Variants in MDN1 observed in about 807,000 individuals in gnomAD.
MDN1 encodes the protein midasin.
MDN1 carries 266 observed loss-of-function variants against 669.2 expected under a neutral mutation model. That is an observed-to-expected ratio of 0.40 (90% CI 0.36 to 0.44). MDN1 has a LOEUF of 0.44. Among genes scored for constraint, MDN1 ranks in the 20% least tolerant of loss-of-function variants. MDN1 has a pLI of 1.00. For synonymous variants in MDN1, 2,385 were observed against 2,457.1 expected, an observed-to-expected ratio of 0.97 and a Z score of 0.87; for missense variants, 5,940 against 6,754.0, an observed-to-expected ratio of 0.88 and a Z score of 4.22.
rs780145809 is a variant in MDN1, at chr6:89,754,116, A to C, written c.2931T>G (p.Asn977Lys). 5 of 1,613,914 alleles carry C rather than the reference A, an allele frequency of 3.1e-6. No individual in the cohort carries two copies. The highest frequency in any genetic ancestry group is 3.4e-6 in the Non-Finnish European group (4 of 1,180,000). ...GTGAGCGCTGAATGTTGCCACATGG[A>C]TTGGAGGCTGCAAATCGCAGGGCCC... ...LCRALRFAAS[N>K]PCGNIQRSLY... The change falls in exon 21 of 102, where the codon AAT becomes AAG. Residue 977 changes from asparagine to lysine, a missense_variant. Coordinates refer to ENST00000369393, the MANE Select transcript of MDN1 (RefSeq NM_014611.3).
chr6:89,691,579 A>G (rs750693924), intron 63 of MDN1, among the ~76,000 whole-genome samples: 5 of 152,154 alleles, frequency 3.3e-5, no homozygotes, highest in Non-Finnish European at 5.9e-5. Flanking sequence ...AAAAGTATAT[A>G]CAAATGTAAA....
At position 89,656,731 on chromosome 6, in the gene MDN1, G is replaced by A. The variant is rs115919328; in HGVS notation, c.15254C>T (p.Ala5085Val). 7 of 1,612,842 alleles carry A rather than the reference G, an allele frequency of 4.3e-6. No homozygotes were observed. In the East Asian group the frequency reaches 8.9e-5, roughly 21 times the overall value. ...GTTTTTCCTGGTGTGCTTCTGGGAG[G>A]CCAACTGGGCAATGAAATTCGATTC... ...GHESNFIAQL[A>V]SQKHTRKNTQ... The change falls in exon 91 of 102, where the codon GCC (alanine) becomes GTC (valine). Residue 5085 changes from alanine to valine, a missense_variant. By Grantham distance (64) the Ala-to-Val change is moderately conservative (BLOSUM62 0). Transcript: ENST00000369393.
chr6:89,670,457 C>T (rs995618736), intron 83 of MDN1, among the ~76,000 whole-genome samples: 15 of 152,016 alleles, frequency 9.9e-5, no homozygotes, highest in East Asian at 5.9e-4. Context: ...GGATTACAGG[C>T]GTGAGCCACC....
At chr6:89,666,612 C>T (rs1277108793) in intron 84 of MDN1, among the ~76,000 whole-genome samples, 1 of 151,954 alleles carries the variant, frequency 6.6e-6, no homozygotes, top group African/African-American at 2.4e-5. Flanking sequence ...GGAATCCAGG[C>T]GTTAGCCACC....
intron 20 of MDN1, among the ~76,000 whole-genome samples, chr6:89,755,188 G>C (rs1817179982): frequency 6.6e-6 from 1 of 152,018 alleles, no homozygotes. Flanking sequence ...AATTTAGGGT[G>C]TGTTGTGGTA....
rs1032286548 is a variant in MDN1, at chr6:89,792,383, C to T, written c.855+1379G>A. 6.6e-5 allele frequency among the ~76,000 whole-genome samples: 10 copies of T among 152,132 alleles called. No individual in the cohort carries two copies. In the South Asian group the frequency reaches 8.3e-4, roughly 13 times the overall value. ...CAGGCTGCACCGCAACTCTACCCTGCGCTTTGGCCCCAGGGTCCCCACTGC... is the reference window on the plus strand; with the variant it reads ...CAGGCTGCACCGCAACTCTACCCTGTGCTTTGGCCCCAGGGTCCCCACTGC... On this transcript the variant is annotated intron_variant, in intron 5 of 101. Transcript: ENST00000369393.
At chr6:89,797,630 G>A in intron 2 of MDN1, 1 of 469,974 alleles carries the variant, frequency 2.1e-6, no homozygotes, top group South Asian at 1.6e-5. Flanking sequence ...ATTATGTTTT[G>A]CAAGCCATGA....
intron 11 of MDN1, among the ~76,000 whole-genome samples, chr6:89,778,047 T>C (rs1186481812): frequency 6.6e-6 from 1 of 152,210 alleles, no homozygotes; most frequent in Non-Finnish European, 1.5e-5. Flanking sequence ...TCCGTCATGA[T>C]AAATTGTCTC....
In MDN1 at chr6:89,785,018, C is replaced by CAGTT. The variant is rs1292076084; in HGVS notation, c.1439_1442dup (p.Asn482ThrfsTer3). On this transcript the variant is annotated frameshift_variant, in exon 9 of 102. Transcript: ENST00000369393. LOFTEE classifies it high-confidence loss of function. ...CTTTCCAAGACCCACGTACCTCATT[C>CAGTT]AGTTCTCTCTTATCCAGGTTATCCA... 6.2e-7 allele frequency: 1 copy of CAGTT among 1,607,182 alleles called. No homozygotes were observed. The highest frequency in any genetic ancestry group is 1.7e-5 in the Admixed American group (1 of 59,982).
chr6:89,694,325 T>C, intron 61 of MDN1, 142 bp from the exon 62 acceptor site: 1 of 662,494 alleles, frequency 1.5e-6, no homozygotes, highest in Non-Finnish European at 2.7e-6. Context: ...CTCTGCTCCA[T>C]TAATCTACAC....
At position 89,680,167 on chromosome 6, in the gene MDN1, A is replaced by ATT. The variant is rs1378658501; in HGVS notation, c.12265+421_12265+422insAA. ...TCGCTCTCACCTTCCCTGAGCAAAG[A>ATT]CAGCCTGAGAAATGAAACTGCTGTG... On this transcript the variant is annotated intron_variant, in intron 74 of 101. Transcript: ENST00000369393. 6.1e-3 allele frequency among the ~76,000 whole-genome samples: 926 copies of ATT among 152,298 alleles called. 22 individuals are homozygous for ATT. In the East Asian group the frequency reaches 0.093, roughly 15 times the overall value.
Position 89,684,894 on chromosome 6 carries a change from G to A in MDN1, c.11811C>T (p.Pro3937=), listed in dbSNP as rs202099544. 2.5e-6 allele frequency: 4 copies of A among 1,605,362 alleles called. No homozygotes were observed. The highest frequency in any genetic ancestry group is 1.1e-5 in the South Asian group (1 of 90,844). The change falls in exon 71 of 102, where the codon CCC becomes CCT. Residue 3937 remains proline (P), a synonymous_variant. Transcript: ENST00000369393. ...ATCTTACTTTAAGTTCTTTTTCTAG[G>A]GGGGAACGAAGTTCCACAATTTTGG... is the stretch of plus-strand genomic sequence containing the variant. ...VQAKIVELRS[P]LEKELKEFVK...
At chr6:89,740,023 T>C (rs1177095784) in intron 32 of MDN1, among the ~76,000 whole-genome samples, 1 of 152,238 alleles carries the variant, frequency 6.6e-6, no homozygotes, top group African/African-American at 2.4e-5. Flanking sequence ...TTCAGGCACA[T>C]ACACAAAGTG....
rs1251077801 is a variant in MDN1, at chr6:89,713,203, G to A, written c.7163C>T (p.Ser2388Phe). Residue 2388 changes from serine (S) to phenylalanine (F), a missense_variant, in exon 47 of 102, where the codon TCT becomes TTT. Ser to Phe is a radical substitution (Grantham distance 155, BLOSUM62 -2). Around this residue, in one of 5 missense-constraint regions of MDN1, gnomAD observed 2,292 missense variants for 2,638.3 expected, o/e 0.87. Coordinates refer to ENST00000369393, the MANE Select transcript of MDN1 (RefSeq NM_014611.3). ...QRGLSLDRAFSEACWEVYVCS... is the reference protein window; with the variant it reads ...QRGLSLDRAFFEACWEVYVCS... ...GACATATACTTCCCAGCATGCTTCA[G>A]AAAAGGCTCTGTCTAAACTCAGCCC... 9.9e-6 allele frequency: 16 copies of A among 1,614,044 alleles called. No homozygotes were observed. The highest frequency in any genetic ancestry group is 1.3e-5 in the Non-Finnish European group (15 of 1,180,026).
At chr6:89,653,208 C>A in intron 93 of MDN1, 53 bp from the exon 94 acceptor site, 8 of 1,537,296 alleles carry the variant, frequency 5.2e-6, no homozygotes, top group East Asian at 2.3e-5. Flanking sequence ...TGATGACTGA[C>A]CAAGCCTTTG....
chr6:89,790,262 C>T lies in MDN1; in HGVS notation c.995G>A (p.Gly332Glu). The T allele has an allele frequency of 1.2e-6, 2 of 1,614,130 alleles. No individual in the cohort carries two copies. The highest frequency in any genetic ancestry group is 1.7e-6 in the Non-Finnish European group (2 of 1,180,018). The change falls in exon 6 of 102, where the codon GGA becomes GAA. Residue 332 changes from glycine (G) to glutamate (E), a missense_variant. Gly to Glu is a moderately conservative substitution (Grantham distance 98, BLOSUM62 -2). This residue lies in a region of MDN1 where 1,203 missense variants were observed against 1,268.9 expected (regional missense o/e 0.95). Transcript: ENST00000369393. The stretch of plus-strand genomic sequence containing the variant: ...TTCAACTAAGGAAGTTTTGCCACAT[C>T]CTATTGGTCCTTCCAACAACACAGC... ...QNAVLLEGPI[G>E]CGKTSLVEYL...
At position 89,700,850 on chromosome 6, in the gene MDN1, G is replaced by T; in HGVS notation, c.8434C>A (p.Leu2812Met). The change falls in exon 56 of 102, where the codon CTG (leucine) becomes ATG (methionine). Residue 2812 changes from leucine (L) to methionine (M), a missense_variant. Around this residue, in one of 5 missense-constraint regions of MDN1, gnomAD observed 2,292 missense variants for 2,638.3 expected, o/e 0.87. Coordinates refer to ENST00000369393, the MANE Select transcript of MDN1 (RefSeq NM_014611.3). Reference sequence around the variant, plus strand: ...AGTTGTGAAAAACACTCCACCACCAGCTTGTCCTGAAACAACAACACCCAC... The same window carrying T: ...AGTTGTGAAAAACACTCCACCACCATCTTGTCCTGAAACAACAACACCCAC... ...LGRPFPFKDK[L>M]VVECFSQLKV... 1 of 1,613,894 alleles carries T rather than the reference G, an allele frequency of 6.2e-7. No homozygotes were observed. The highest frequency in any genetic ancestry group is 8.5e-7 in the Non-Finnish European group (1 of 1,179,902).
chr6:89,678,758 A>G lies in MDN1; in HGVS notation c.12266-13T>C, dbSNP rs748601616. 1.2e-6 allele frequency: 2 copies of G among 1,606,182 alleles called. No individual in the cohort carries two copies. Among genetic ancestry groups the G allele is most frequent in the Non-Finnish European group, 8.5e-7 (1 of 1,175,612 alleles). On this transcript the variant is annotated splice_polypyrimidine_tract_variant and intron_variant, in intron 74 of 101. Transcript: ENST00000369393. ...GAAATCACTTCACCTGTAAGGGAAA[A>G]CAAGGCGGGGAGGGGAGACAATAAG...
intron 53 of MDN1, 90 bp downstream of exon 53, chr6:89,705,969 A>G (rs1813486611): frequency 1.7e-6 from 2 of 1,203,100 alleles, no homozygotes; most frequent in African/African-American, 3.1e-5. Context: ...GGCATATAAC[A>G]ACACTAAAGT....
Sources: allele counts gnomAD v4.1 joint callset (sites outside exome capture counted in the v4.1 genomes callset), GRCh38; gene constraint gnomAD v4.1.1; regional missense constraint gnomAD v4.1.1; transcripts MANE v1.5; gene names NCBI Gene and HGNC (gene_info 2026-07-23, HGNC 2026-07-21).